Variants in ILRUN observed in about 807,000 individuals in gnomAD.
ILRUN encodes inflammation and lipid regulator with UBA-like and NBR1-like domains, also known as protein ILRUN.
A neutral mutation model predicts 33.8 loss-of-function variants in ILRUN; 3 were observed. The observed-to-expected ratio is 0.09, with a 90% CI of 0.04 to 0.23. The LOEUF is 0.23. ILRUN is among the 10% of genes least tolerant of loss of function. The pLI is 1.00. For synonymous variants in ILRUN, 124 were observed against 138.9 expected (o/e 0.89, Z 0.75); for missense variants, 210 against 375.1 (o/e 0.56, Z 3.64).
intron 3 of ILRUN, among the ~76,000 whole-genome samples, chr6:34,644,945 G>A (rs907616726): frequency 1.3e-5 from 2 of 152,166 alleles, no homozygotes; most frequent in African/African-American, 4.8e-5. Context: ...CTGAAGATGG[G>A]AGTGAAAATG....
chr6:34,599,340 T>C (rs368980839), intron 4 of ILRUN, among the ~76,000 whole-genome samples: 49 of 152,358 alleles, frequency 3.2e-4, no homozygotes, highest in African/African-American at 1.1e-3. Flanking sequence ...GTTAGACAGA[T>C]AGTGTTAAAC....
intron 1 of ILRUN, among the ~76,000 whole-genome samples, chr6:34,666,735 C>A (rs1289651782): frequency 6.6e-6 from 1 of 152,172 alleles, no homozygotes; most frequent in Non-Finnish European, 1.5e-5. Flanking sequence ...AGAATGCTAT[C>A]ATTTTTAATA....
chr6:34,644,789 A>C (rs981590712), intron 3 of ILRUN, among the ~76,000 whole-genome samples: 3 of 152,112 alleles, frequency 2.0e-5, no homozygotes, highest in Non-Finnish European at 2.9e-5. Context: ...CAAGAAGGAA[A>C]GGTGACTCAG....
chr6:34,600,051 C>A (rs563146347), intron 4 of ILRUN, among the ~76,000 whole-genome samples: 4 of 152,232 alleles, frequency 2.6e-5, no homozygotes, highest in Non-Finnish European at 4.4e-5. Context: ...GCCTGGATGA[C>A]GGCATTAACT....
rs555211480 is a variant in ILRUN at position 34,691,558 on chromosome 6, G to T, written c.158+4888C>A. On this transcript the variant is annotated intron_variant, in intron 1 of 4. Coordinates refer to ENST00000374023, the MANE Select transcript of ILRUN (RefSeq NM_024294.4). The stretch of plus-strand genomic sequence containing the variant: ...GCCTATAATCCCAGCACTTTGGGAG[G>T]CCAAGGTGGGTGGATCATTTGAGGT... 4.5e-4 allele frequency among the ~76,000 whole-genome samples: 69 copies of T among 152,314 alleles called. No homozygotes were observed. In the Middle Eastern group the frequency reaches 0.014, roughly 30 times the overall value.
chr6:34,681,707 A>G (rs969558879), intron 1 of ILRUN, among the ~76,000 whole-genome samples: 9 of 152,148 alleles, frequency 5.9e-5, no homozygotes, highest in African/African-American at 2.2e-4. Context: ...TTGTCAGACG[A>G]GCTTACTACT....
chr6:34,654,881 A>G, intron 1 of ILRUN, 102 bp from the exon 2 acceptor site: 1 of 1,140,392 alleles, frequency 8.8e-7, no homozygotes, highest in South Asian at 1.8e-5. Context: ...TTGTCACAGA[A>G]CCTGAGGCTC....
At chr6:34,600,934 G>C (rs1160872520) in intron 4 of ILRUN, among the ~76,000 whole-genome samples, 1 of 152,214 alleles carries the variant, frequency 6.6e-6, no homozygotes, top group Admixed American at 6.5e-5. Flanking sequence ...AACTGCTTTT[G>C]TTGGTATCCT....
chr6:34,613,046 G>GA (rs11380323), intron 3 of ILRUN, among the ~76,000 whole-genome samples: 26,979 of 141,042 alleles, frequency 0.19, 3,587 homozygotes, highest in African/African-American at 0.38. Flanking sequence ...CCGTCTCAAG[G>GA]AAAAAAAAAA....
rs147971652 is a variant in ILRUN at position 34,625,682 on chromosome 6, T to C, written c.512-18778A>G. The stretch of plus-strand genomic sequence containing the variant: ...AGTTTATGCTTTTGCCCACCTTCTT[T>C]CAGTTTAGAAATGAAGTACCTTCTC... On this transcript the variant is annotated intron_variant, in intron 3 of 4. Transcript: ENST00000374023. 1.2e-4 allele frequency among the ~76,000 whole-genome samples: 19 copies of C among 152,282 alleles called. No individual in the cohort carries two copies. In the East Asian group the frequency reaches 3.5e-3, roughly 28 times the overall value.
At position 34,696,687 on chromosome 6, in the gene ILRUN, C is replaced by G; in HGVS notation, c.-84G>C. The G allele has an allele frequency of 6.8e-7, 1 of 1,480,628 alleles. No homozygotes were observed. Among genetic ancestry groups the G allele is most frequent in the East Asian group, 2.3e-5 (1 of 43,320 alleles). The allele number at this position is 1,480,628 out of a possible 1,614,324, so 91.7% of individuals were successfully genotyped here. On this transcript the variant is annotated 5_prime_UTR_variant, in exon 1 of 5. Transcript: ENST00000374023. ...CGGGCCCGGGGACCTGGAGGGGGGC[C>G]GCTGCTAGCTAGCTTCGCGACCCCG...
At chr6:34,672,369 G>T (rs1251129719) in intron 1 of ILRUN, among the ~76,000 whole-genome samples, 3 of 152,042 alleles carry the variant, frequency 2.0e-5, no homozygotes, top group Non-Finnish European at 4.4e-5. Context: ...GATTACAGGT[G>T]TGAGCCACTG....
Position 34,635,955 on chromosome 6 carries a change from G to A in ILRUN, c.511+10646C>T, listed in dbSNP as rs559290248. Among the ~76,000 whole-genome samples, 4 of 152,198 alleles carry A rather than the reference G, an allele frequency of 2.6e-5. No homozygotes were observed. In the South Asian group the frequency reaches 6.2e-4, roughly 24 times the overall value. On this transcript the variant is annotated intron_variant, in intron 3 of 4. Transcript: ENST00000374023. Reference sequence around the variant, plus strand: ...TTAAGAAGAAACTGGAAGGGCATTAGTTACTACAAAGAGAAATCCAGACTG... The same window carrying A: ...TTAAGAAGAAACTGGAAGGGCATTAATTACTACAAAGAGAAATCCAGACTG...
intron 3 of ILRUN, among the ~76,000 whole-genome samples, chr6:34,610,002 C>CA (rs1271008304): frequency 5.3e-5 from 8 of 149,894 alleles, no homozygotes; most frequent in Admixed American, 1.3e-4. Context: ...ACTAAAATTA[C>CA]AAAAAAAAAT....
chr6:34,590,646 A>G, intron 4 of ILRUN, 46 bp from the exon 5 acceptor site: 1 of 1,374,944 alleles, frequency 7.3e-7, no homozygotes, highest in Non-Finnish European at 1.0e-6. Context: ...ATAGCAGTGC[A>G]ACTTGACAAC....
chr6:34,600,243 G>T, intron 4 of ILRUN, among the ~76,000 whole-genome samples: 1 of 152,252 alleles, frequency 6.6e-6, no homozygotes, highest in East Asian at 1.9e-4. Context: ...CCACAATCTG[G>T]TCTCTGTCCC....
At chr6:34,637,889 T>TGTC (rs1762398725) in intron 3 of ILRUN, among the ~76,000 whole-genome samples, 5 of 151,748 alleles carry the variant, frequency 3.3e-5, no homozygotes, top group Admixed American at 3.3e-4. Flanking sequence ...TTGTTGTTGT[T>TGTC]GTTGTTGTTG....
At chr6:34,677,310 G>GAAA (rs1763256490) in intron 1 of ILRUN, among the ~76,000 whole-genome samples, 1 of 149,960 alleles carries the variant, frequency 6.7e-6, no homozygotes, top group African/African-American at 2.5e-5. Flanking sequence ...CTGTCTCAAA[G>GAAA]GAAAAAAAGA....
At chr6:34,649,769 C>A (rs1762625275) in intron 2 of ILRUN, among the ~76,000 whole-genome samples, 1 of 152,132 alleles carries the variant, frequency 6.6e-6, no homozygotes, top group Non-Finnish European at 1.5e-5. Context: ...ATATTAAGCT[C>A]CATGAAAGCA....
Sources: allele counts gnomAD v4.1 joint callset (sites outside exome capture counted in the v4.1 genomes callset), GRCh38; gene constraint gnomAD v4.1.1; transcripts MANE v1.5; gene names NCBI Gene and HGNC (gene_info 2026-07-23, HGNC 2026-07-21).